The following HIVEP1 variants were observed in gnomAD, a reference collection of about 807,000 sequenced individuals.
The protein encoded by HIVEP1 is HIVEP zinc finger 1, also known as zinc finger protein 40.
A neutral mutation model predicts 180.0 loss-of-function variants in HIVEP1; 36 were observed. The observed-to-expected ratio is 0.20, with a 90% confidence interval of 0.15 to 0.26. The LOEUF (loss-of-function observed/expected upper bound fraction) is 0.26, where lower values mean the gene tolerates loss of function less well. Among genes scored for constraint, HIVEP1 ranks in the 10% least tolerant of loss-of-function variants. The probability of loss-of-function intolerance (pLI) is 1.00; values close to 1 mark genes in which losing one functional copy is unlikely to be tolerated. For synonymous variants in HIVEP1, 1,239 were observed against 1,239.0 expected, an observed-to-expected ratio of 1.00 and a Z score of 0.00; for missense variants, 3,143 against 3,268.7, an observed-to-expected ratio of 0.96 and a Z score of 0.94.
At chr6:12,080,796 A>G (rs1457087995) in intron 2 of HIVEP1, among the ~76,000 whole-genome samples, 1 of 152,214 alleles carries the variant, frequency 6.6e-6, no homozygotes, top group Non-Finnish European at 1.5e-5. Context: ...AAATTTTATT[A>G]TAGAATGTTT....
chr6:12,110,917 C>G (rs773774959), intron 3 of HIVEP1, among the ~76,000 whole-genome samples: 1 of 152,312 alleles, frequency 6.6e-6, no homozygotes, highest in African/African-American at 2.4e-5. Flanking sequence ...CTTCCTTTCA[C>G]TTGAACACTT....
chr6:12,184,611 C>T, the HIVEP1 span, among the ~76,000 whole-genome samples: 1 of 152,072 alleles, frequency 6.6e-6, no homozygotes, highest in African/African-American at 2.4e-5. Context: ...CTTTCATTTG[C>T]CTCTTAAATT....
chr6:12,108,661 C>T (rs1255933579), intron 3 of HIVEP1, among the ~76,000 whole-genome samples: 1 of 152,220 alleles, frequency 6.6e-6, no homozygotes, highest in Non-Finnish European at 1.5e-5. Flanking sequence ...CCGGGGCCAG[C>T]AGGGCCGGCC....
chr6:12,128,695 A>G (rs1758240000), intron 4 of HIVEP1, among the ~76,000 whole-genome samples: 1 of 152,182 alleles, frequency 6.6e-6, no homozygotes, highest in Non-Finnish European at 1.5e-5. Flanking sequence ...ACAACATACT[A>G]TCAAATGGGT....
intron 7 of HIVEP1, among the ~76,000 whole-genome samples, chr6:12,140,642 C>T (rs1227257138): frequency 6.6e-6 from 1 of 152,154 alleles, no homozygotes; most frequent in East Asian, 1.9e-4. Flanking sequence ...AGACAAATGG[C>T]TAACTAGAAT....
downstream of HIVEP1, among the ~76,000 whole-genome samples, chr6:12,168,001 T>C (rs1257602454): frequency 2.5e-4 from 25 of 101,602 alleles, no homozygotes; most frequent in African/African-American, 1.1e-3. Flanking sequence ...ATGTATATAT[T>C]ATATATACAT....
chr6:12,024,304 A>T (rs1434177236), intron 2 of HIVEP1, among the ~76,000 whole-genome samples: 1 of 151,482 alleles, frequency 6.6e-6, no homozygotes, highest in East Asian at 1.9e-4. Flanking sequence ...AGGTTTTTAG[A>T]AATTTTCTAT....
At chr6:12,167,873 CAT>C (rs1209841631), downstream of HIVEP1, among the ~76,000 whole-genome samples, 3 of 142,140 alleles carry the variant, frequency 2.1e-5, no homozygotes, top group African/African-American at 7.7e-5. Flanking sequence ...AATATATACA[CAT>C]GTACATGTAT....
At chr6:12,096,558 A>T (rs538956379) in intron 3 of HIVEP1, among the ~76,000 whole-genome samples, 7 of 151,800 alleles carry the variant, frequency 4.6e-5, no homozygotes, top group African/African-American at 9.6e-5. Flanking sequence ...TGATATTATT[A>T]AAAAAATATA....
the HIVEP1 span, among the ~76,000 whole-genome samples, chr6:12,193,324 A>T: frequency 6.6e-6 from 1 of 152,224 alleles, no homozygotes; most frequent in Non-Finnish European, 1.5e-5. Context: ...AAAGCATTCC[A>T]TATGAATATT....
rs560458322 is a variant in HIVEP1, at chr6:12,102,929, T to C, written c.94+13692T>C. On this transcript the variant is annotated intron_variant, in intron 3 of 8. Coordinates refer to ENST00000379388, the MANE Select transcript of HIVEP1 (RefSeq NM_002114.4). ...TTATGTTTGTTTTATTTTAATAGTG[T>C]TCAGTCTACTTTAAATATTTTGTAT... is the stretch of plus-strand genomic sequence containing the variant. 5.9e-5 allele frequency among the ~76,000 whole-genome samples: 9 copies of C among 152,260 alleles called. No individual in the cohort carries two copies. The South Asian group carries it at 1.7e-3, about 28-fold the overall frequency.
intron 3 of HIVEP1, among the ~76,000 whole-genome samples, chr6:12,108,717 C>G (rs1256303745): frequency 1.3e-5 from 2 of 152,212 alleles, no homozygotes; most frequent in African/African-American, 4.8e-5. Flanking sequence ...CCACCCGGAG[C>G]TCCAGCTGGC....
intron 7 of HIVEP1, among the ~76,000 whole-genome samples, chr6:12,140,994 A>G: frequency 6.6e-6 from 1 of 152,210 alleles, no homozygotes; most frequent in East Asian, 1.9e-4. Flanking sequence ...GCAGGCCAAT[A>G]TTCAAATTTA....
intron 7 of HIVEP1, among the ~76,000 whole-genome samples, chr6:12,145,779 C>T (rs1445259827): frequency 1.3e-5 from 2 of 152,118 alleles, no homozygotes; most frequent in African/African-American, 4.8e-5. Flanking sequence ...TTTCTTCCAA[C>T]TAGAAAATAA....
chr6:12,195,749 T>C, the HIVEP1 span, among the ~76,000 whole-genome samples: 1 of 152,250 alleles, frequency 6.6e-6, no homozygotes, highest in African/African-American at 2.4e-5. Flanking sequence ...TAAACTCTCC[T>C]AGTTTCCTTT....
rs1477134862 is a variant in HIVEP1, at chr6:12,085,468, T to G, written c.41-3716T>G. 3.3e-5 allele frequency among the ~76,000 whole-genome samples: 5 copies of G among 152,082 alleles called. No individual in the cohort carries two copies. In the East Asian group the frequency reaches 9.7e-4, roughly 29 times the overall value. On this transcript the variant is annotated intron_variant, in intron 2 of 8. Coordinates refer to ENST00000379388, the MANE Select transcript of HIVEP1 (RefSeq NM_002114.4). ...AACCTCGTTAACCACACAGGGGAGT[T>G]TGAGCCTTATTTATCATCAAATTGA...
downstream of HIVEP1, among the ~76,000 whole-genome samples, chr6:12,168,064 CATAT>C (rs1445620309): frequency 6.5e-3 from 138 of 21,292 alleles, 18 homozygotes; most frequent in African/African-American, 0.019. Context: ...TGTATATATA[CATAT>C]ATATGTGTAT....
rs1760394767 is a variant in HIVEP1 at position 12,161,501 on chromosome 6, G to T, written c.6550G>T (p.Asp2184Tyr). Residue 2184 changes from aspartate to tyrosine, a missense_variant, in exon 8 of 9, where the codon GAT becomes TAT. Physicochemically the swap from Asp to Tyr is radical, Grantham distance 160. This residue lies in a region of HIVEP1 where 126 missense variants were observed against 168.5 expected (regional missense o/e 0.75). Transcript: ENST00000379388. The part of the protein sequence containing the change: ...GYDLEESDGP[D>Y]EDDNENEDDD... Reference sequence around the variant, plus strand: ...TGATCTTGAAGAATCTGATGGCCCAGATGAGGATGACAATGAAAATGAAGA... The same window carrying T: ...TGATCTTGAAGAATCTGATGGCCCATATGAGGATGACAATGAAAATGAAGA... 2 of 1,614,098 alleles carry T rather than the reference G, an allele frequency of 1.2e-6. No individual in the cohort carries two copies. Among genetic ancestry groups the T allele is most frequent in the Non-Finnish European group, 1.7e-6 (2 of 1,179,950 alleles).
intron 2 of HIVEP1, among the ~76,000 whole-genome samples, chr6:12,056,434 C>T (rs1770875116): frequency 1.3e-5 from 2 of 152,074 alleles, no homozygotes; most frequent in Non-Finnish European, 1.5e-5. Context: ...TGTATATGTA[C>T]TTTTTTGTTC....
Sources: gnomAD v4.1 joint callset for allele counts (sites outside exome capture counted in the v4.1 genomes callset) on GRCh38, gnomAD v4.1.1 for gene constraint, gnomAD v4.1.1 regional missense constraint, MANE v1.5 for transcripts, NCBI Gene and HGNC (gene_info 2026-07-23, HGNC 2026-07-21) for gene names.